Variants in DMD observed in about 807,000 individuals in gnomAD.
DMD encodes dystrophin, also known as mutant dystrophin.
Under a neutral mutation model 330.1 loss-of-function variants are expected in DMD, and 63 were observed. The ratio of observed to expected loss-of-function variants is 0.19; its 90% CI spans 0.16 to 0.24. The LOEUF (loss-of-function observed/expected upper bound fraction) is 0.24. Among genes scored for constraint, DMD ranks in the 10% least tolerant of loss-of-function variants. The pLI is 1.00. For synonymous variants in DMD, 1,223 were observed against 959.8 expected (o/e 1.27, Z -5.07); for missense variants, 3,344 against 2,684.1 (o/e 1.25, Z -5.43).
chrX:32,694,302 T>A (rs2147520778), intron 9 of DMD, among the ~76,000 whole-genome samples: 1 of 111,656 alleles, frequency 9.0e-6, no homozygotes, highest in Non-Finnish European at 1.9e-5. Flanking sequence ...ATTATTATCC[T>A]CAACTCTGAT....
At chrX:32,496,592 G>T (rs1028985303) in intron 19 of DMD, among the ~76,000 whole-genome samples, 7 of 111,433 alleles carry the variant, frequency 6.3e-5, no homozygotes, top group Non-Finnish European at 1.3e-4. Flanking sequence ...ATTTGTTTTG[G>T]CCACTCATTT....
chrX:32,149,306 A>T (rs1013967619), intron 44 of DMD, among the ~76,000 whole-genome samples: 2 of 111,801 alleles, frequency 1.8e-5, no homozygotes, highest in Non-Finnish European at 3.8e-5. Context: ...TGTTCTTTGC[A>T]TAGGATATTA....
chrX:33,292,117 T>C (rs2053521646), intron 1 of DMD, among the ~76,000 whole-genome samples: 1 of 111,175 alleles, frequency 9.0e-6, no homozygotes, highest in African/African-American at 3.3e-5. Context: ...TAACAATCTT[T>C]GGGGTTTTGT....
intron 43 of DMD, among the ~76,000 whole-genome samples, chrX:32,258,761 A>G (rs2097309717): frequency 9.0e-6 from 1 of 111,083 alleles, no homozygotes; most frequent in South Asian, 3.8e-4. Context: ...GTGTACACCT[A>G]TGCAACAAAC....
intron 44 of DMD, among the ~76,000 whole-genome samples, chrX:32,193,131 G>A (rs943663686): frequency 2.7e-5 from 3 of 111,241 alleles, no homozygotes; most frequent in South Asian, 3.8e-4. Flanking sequence ...GCCTGCTCCC[G>A]TTCTGCCTTC....
chrX:31,388,205 A>G (rs184718677), intron 60 of DMD, among the ~76,000 whole-genome samples: 1,927 of 108,147 alleles, frequency 0.018, 46 homozygotes, highest in African/African-American at 0.061. Flanking sequence ...GAGTTTCACC[A>G]TGTTAGCCAG....
chrX:32,628,731 G>A (rs1244574929), intron 11 of DMD, among the ~76,000 whole-genome samples: 2 of 110,283 alleles, frequency 1.8e-5, no homozygotes, highest in Admixed American at 9.7e-5. Context: ...TTTTTCATTC[G>A]TTTCAAGAAA....
At chrX:31,989,075 G>A (rs2095531627) in intron 44 of DMD, among the ~76,000 whole-genome samples, 1 of 112,383 alleles carries the variant, frequency 8.9e-6, no homozygotes, top group Admixed American at 9.4e-5. Flanking sequence ...TCAGGCAGGA[G>A]TTCCTTTTAA....
At chrX:31,566,922 T>A (rs1603380880) in intron 55 of DMD, among the ~76,000 whole-genome samples, 1 of 111,622 alleles carries the variant, frequency 9.0e-6, no homozygotes, top group Non-Finnish European at 1.9e-5. Flanking sequence ...AGATAATCCG[T>A]AAGTTGTGAT....
At chrX:33,078,426 G>T (rs2094877388) in intron 1 of DMD, among the ~76,000 whole-genome samples, 1 of 112,015 alleles carries the variant, frequency 8.9e-6, no homozygotes, top group African/African-American at 3.2e-5. Context: ...CTCACAAATG[G>T]TTTCCAAATT....
At chrX:32,868,166 T>G (rs1324942450) in intron 2 of DMD, among the ~76,000 whole-genome samples, 2 of 111,927 alleles carry the variant, frequency 1.8e-5, no homozygotes, top group African/African-American at 6.5e-5. Context: ...TAGTGAGTGA[T>G]TGTCCTACCC....
At chrX:32,951,375 T>C (rs1004093337) in intron 2 of DMD, among the ~76,000 whole-genome samples, 4 of 111,761 alleles carry the variant, frequency 3.6e-5, no homozygotes, top group Non-Finnish European at 5.6e-5. Flanking sequence ...AAGGGGAAAA[T>C]ATCAATATTT....
intron 7 of DMD, among the ~76,000 whole-genome samples, chrX:32,733,415 A>C (rs1376531397): frequency 9.1e-6 from 1 of 110,278 alleles, no homozygotes; most frequent in Non-Finnish European, 1.9e-5. Flanking sequence ...AAGTGGACCT[A>C]ATAGACATCT....
chrX:32,394,916 C>CAAAACAAAAAAAAAAAAAACAAAAAAAA (rs2098030291), intron 30 of DMD, among the ~76,000 whole-genome samples: 1 of 39,034 alleles, frequency 2.6e-5, no homozygotes, highest in Non-Finnish European at 5.0e-5. Context: ...AACAAAAAAA[C>CAAAACAAAAAAAAAAAAAACAAAAAAAA]AAAAAAAAAA....
Position 31,730,390 on chromosome X carries a change from T to C in DMD, c.7543-642A>G, listed in dbSNP as rs148341080. Among the ~76,000 whole-genome samples the C allele has an allele frequency of 3.0e-4, 34 of 112,222 alleles. 2 individuals are homozygous for C. The highest frequency in any genetic ancestry group is 1.0e-3 in the African/African-American group (32 of 30,961). ...AATTATCTAATTAACTTTTATGATT[T>C]AGGCAAGTTTGGAGAGCATCAGATT... On this transcript the variant is annotated intron_variant, in intron 51 of 78. Transcript: ENST00000357033.
chrX:32,580,131 T>C (rs2053502570), intron 13 of DMD, among the ~76,000 whole-genome samples: 1 of 110,050 alleles, frequency 9.1e-6, no homozygotes, highest in Admixed American at 9.8e-5. Flanking sequence ...AGCGTAACAG[T>C]GTTCCTTCCA....
rs142044033 is a variant in DMD at position 31,810,334 on chromosome X, C to G, written c.7309+9641G>C. ...TTGTTGCCAGACCATGGGGACTCAT[C>G]TGATTTAAGATAGAAAAGAAAAGTG... is the stretch of plus-strand genomic sequence containing the variant. On this transcript the variant is annotated intron_variant, in intron 50 of 78. Transcript: ENST00000357033. Among the ~76,000 whole-genome samples, 362 of 111,288 alleles carry G rather than the reference C, an allele frequency of 3.3e-3. 3 individuals are homozygous for G. The highest frequency in any genetic ancestry group is 0.011 in the African/African-American group (338 of 30,681).
In DMD at chrX:32,647,788, T is replaced by A. The variant is rs1246043790; in HGVS notation, c.961-2636A>T. ...AATTATTATCAAATTCCTCTGCATATATAAGAAGTGTTTTGAAGCATAAAT... is the reference window on the plus strand; with the variant it reads ...AATTATTATCAAATTCCTCTGCATAAATAAGAAGTGTTTTGAAGCATAAAT... On this transcript the variant is annotated intron_variant, in intron 9 of 78. Coordinates refer to ENST00000357033, the MANE Select transcript of DMD (RefSeq NM_004006.3). 8.0e-5 allele frequency among the ~76,000 whole-genome samples: 9 copies of A among 112,274 alleles called. No individual in the cohort carries two copies. In the Admixed American group the frequency reaches 8.5e-4, roughly 11 times the overall value.
At chrX:32,432,380 T>C (rs2098241967) in intron 29 of DMD, among the ~76,000 whole-genome samples, 1 of 111,920 alleles carries the variant, frequency 8.9e-6, no homozygotes, top group Non-Finnish European at 1.9e-5. Context: ...GTCATAGGCA[T>C]GTTACGGCAT....
Sources: allele counts gnomAD v4.1 joint callset (sites outside exome capture counted in the v4.1 genomes callset), GRCh38; gene constraint gnomAD v4.1.1; transcripts MANE v1.5; gene names NCBI Gene and HGNC (gene_info 2026-07-23, HGNC 2026-07-21).